Variants in NTNG1 observed in about 807,000 individuals in gnomAD.
The protein encoded by NTNG1 is netrin G1.
Under a neutral mutation model 54.0 loss-of-function variants are expected in NTNG1, and 16 were observed. The observed-to-expected ratio is 0.30, with a 90% CI of 0.20 to 0.45. The LOEUF is 0.45. Among genes scored for constraint, NTNG1 ranks in the 20% least tolerant of loss-of-function variants. NTNG1 has a pLI of 1.00. For synonymous variants in NTNG1, 255 were observed against 263.1 expected (o/e 0.97, Z 0.30); for missense variants, 530 against 678.7 (o/e 0.78, Z 2.43).
intron 2 of NTNG1, among the ~76,000 whole-genome samples, chr1:107,225,783 C>G (rs746122591): frequency 3.3e-5 from 5 of 152,110 alleles, no homozygotes; most frequent in Admixed American, 6.6e-5. Flanking sequence ...GTTTTTCAAG[C>G]CTGTTACTGT....
intron 4 of NTNG1, among the ~76,000 whole-genome samples, chr1:107,395,945 C>A (rs1010999289): frequency 6.6e-6 from 1 of 152,164 alleles, no homozygotes; most frequent in East Asian, 1.9e-4. Context: ...GATTTTTCTA[C>A]GCATGTGAAA....
At chr1:107,376,324 C>T (rs1354778665) in intron 3 of NTNG1, among the ~76,000 whole-genome samples, 2 of 151,710 alleles carry the variant, frequency 1.3e-5, no homozygotes, top group Non-Finnish European at 2.9e-5. Context: ...ATGGGAATGG[C>T]GTGAACCCGG....
At chr1:107,233,626 C>CT (rs1290108269) in intron 2 of NTNG1, among the ~76,000 whole-genome samples, 1 of 152,184 alleles carries the variant, frequency 6.6e-6, no homozygotes, top group East Asian at 1.9e-4. Context: ...CGATCATGGT[C>CT]TTTCACTGTT....
At chr1:107,213,664 A>G (rs1659740082) in intron 2 of NTNG1, among the ~76,000 whole-genome samples, 1 of 152,040 alleles carries the variant, frequency 6.6e-6, no homozygotes, top group Admixed American at 6.6e-5. Context: ...TGTATTCAAG[A>G]TTCTGAACCA....
chr1:107,459,843 C>T (rs1558015701), intron 7 of NTNG1, among the ~76,000 whole-genome samples: 2 of 152,128 alleles, frequency 1.3e-5, no homozygotes, highest in South Asian at 4.2e-4. Flanking sequence ...TGGAGCCAGC[C>T]GGGTACTCCT....
At chr1:107,355,384 G>T (rs1669879624) in intron 3 of NTNG1, among the ~76,000 whole-genome samples, 1 of 151,338 alleles carries the variant, frequency 6.6e-6, no homozygotes, top group Non-Finnish European at 1.5e-5. Context: ...GCTTATAATT[G>T]ATGGTAATTT....
At chr1:107,219,583 T>A (rs999788897) in intron 2 of NTNG1, among the ~76,000 whole-genome samples, 1 of 152,180 alleles carries the variant, frequency 6.6e-6, no homozygotes, top group African/African-American at 2.4e-5. Context: ...CTGTTGAGAT[T>A]CTTCTGTCTC....
chr1:107,184,945 G>T lies in NTNG1; in HGVS notation c.246+36106G>T, dbSNP rs568486759. On this transcript the variant is annotated intron_variant, in intron 2 of 7. Transcript: ENST00000370068. ...TTTCCACTGGGAGAACTCAACAGCT[G>T]GGGACAAGTTGACATCTGGGATTGG... 8.5e-5 allele frequency among the ~76,000 whole-genome samples: 13 copies of T among 152,246 alleles called. 1 individual carries two copies. In the South Asian group the frequency reaches 2.7e-3, roughly 32 times the overall value.
At chr1:107,225,442 T>C (rs959370565) in intron 2 of NTNG1, among the ~76,000 whole-genome samples, 2 of 152,144 alleles carry the variant, frequency 1.3e-5, no homozygotes, top group African/African-American at 2.4e-5. Context: ...TCTGTGCAAG[T>C]TTTGTGTATA....
intron 3 of NTNG1, among the ~76,000 whole-genome samples, chr1:107,355,618 A>G (rs1427865182): frequency 2.0e-5 from 3 of 152,162 alleles, no homozygotes; most frequent in Admixed American, 6.5e-5. Flanking sequence ...CCAAACAAAT[A>G]AGTTTCCTTG....
chr1:107,336,795 A>C (rs950073227), intron 3 of NTNG1, among the ~76,000 whole-genome samples: 5 of 152,142 alleles, frequency 3.3e-5, no homozygotes, highest in Non-Finnish European at 5.9e-5. Flanking sequence ...ATCCTAATTA[A>C]AAAATGAGCA....
intron 3 of NTNG1, among the ~76,000 whole-genome samples, chr1:107,367,875 C>T (rs1026784362): frequency 5.3e-5 from 8 of 152,126 alleles, no homozygotes; most frequent in African/African-American, 1.9e-4. Context: ...GATTCTCCCA[C>T]CTCAGCCTCC....
At chr1:107,150,002 G>A (rs1005509054) in intron 2 of NTNG1, among the ~76,000 whole-genome samples, 3 of 152,178 alleles carry the variant, frequency 2.0e-5, no homozygotes, top group East Asian at 3.9e-4. Context: ...CCATAAAAAA[G>A]GTTTTGTAAC....
chr1:107,333,258 T>C (rs371830861), intron 3 of NTNG1, among the ~76,000 whole-genome samples: 24 of 152,188 alleles, frequency 1.6e-4, no homozygotes, highest in African/African-American at 5.8e-4. Context: ...ACTCTGGTTG[T>C]GCTAATAATT....
intron 2 of NTNG1, among the ~76,000 whole-genome samples, chr1:107,203,733 T>G (rs1489668833): frequency 4.6e-5 from 7 of 151,632 alleles, no homozygotes; most frequent in Non-Finnish European, 2.9e-5. Flanking sequence ...AGACTTGGAA[T>G]TTTTTATCTA....
At chr1:107,183,509 A>C (rs995245213) in intron 2 of NTNG1, among the ~76,000 whole-genome samples, 1 of 152,166 alleles carries the variant, frequency 6.6e-6, no homozygotes, top group African/African-American at 2.4e-5. Flanking sequence ...AATGAGGGCC[A>C]AATGGTCCCC....
intron 2 of NTNG1, among the ~76,000 whole-genome samples, chr1:107,267,915 C>A (rs1663858128): frequency 6.6e-6 from 1 of 152,204 alleles, no homozygotes; most frequent in African/African-American, 2.4e-5. Flanking sequence ...TCAGCACACA[C>A]CAGACAGTCT....
intron 2 of NTNG1, among the ~76,000 whole-genome samples, chr1:107,261,174 T>G (rs1663295583): frequency 6.6e-6 from 1 of 152,208 alleles, no homozygotes; most frequent in South Asian, 2.1e-4. Context: ...CTGGGTCCTG[T>G]GCCAGGTACT....
At chr1:107,264,511 T>C (rs536478914) in intron 2 of NTNG1, among the ~76,000 whole-genome samples, 1 of 152,368 alleles carries the variant, frequency 6.6e-6, no homozygotes, top group African/African-American at 2.4e-5. Flanking sequence ...AGACTATATA[T>C]AGATTTTCCT....
Sources: gnomAD v4.1 joint callset for allele counts (sites outside exome capture counted in the v4.1 genomes callset) on GRCh38, gnomAD v4.1.1 for gene constraint, MANE v1.5 for transcripts, NCBI Gene and HGNC (gene_info 2026-07-23, HGNC 2026-07-21) for gene names.